Variants in TSHZ3 observed in about 807,000 individuals in gnomAD.
TSHZ3 encodes the protein teashirt zinc finger homeobox 3.
A neutral mutation model predicts 64.5 loss-of-function variants in TSHZ3; 10 were observed. The observed-to-expected ratio is 0.16, with a 90% CI of 0.10 to 0.26. The LOEUF is 0.26. Among genes scored for constraint, TSHZ3 ranks in the 10% least tolerant of loss-of-function variants. TSHZ3 has a pLI of 1.00. For synonymous variants in TSHZ3, 608 were observed against 593.1 expected, an observed-to-expected ratio of 1.03 and a Z score of -0.36; for missense variants, 1,242 against 1,421.7, an observed-to-expected ratio of 0.87 and a Z score of 2.03.
At chr19:31,236,884 C>T (rs1252943033) in intron 3 of TSHZ3, among the ~76,000 whole-genome samples, 2 of 152,218 alleles carry the variant, frequency 1.3e-5, no homozygotes, top group Admixed American at 6.5e-5. Flanking sequence ...CGTGGTGGCT[C>T]AGGCCTGTAA....
chr19:31,272,991 C>G (rs1420633664), downstream of TSHZ3, among the ~76,000 whole-genome samples: 1 of 152,162 alleles, frequency 6.6e-6, no homozygotes, highest in Admixed American at 6.5e-5. Flanking sequence ...AGAACATGAG[C>G]ACTACGACAG....
intron 4 of TSHZ3, among the ~76,000 whole-genome samples, chr19:31,227,740 G>T (rs1293865586): frequency 1.7e-5 from 2 of 120,444 alleles, no homozygotes; most frequent in Non-Finnish European, 3.7e-5. Context: ...AAGACATCCA[G>T]GATCTACACA....
chr19:31,219,229 T>C (rs936682540), intron 4 of TSHZ3, among the ~76,000 whole-genome samples: 4 of 152,214 alleles, frequency 2.6e-5, no homozygotes, highest in African/African-American at 9.6e-5. Context: ...GTGGAGCTTG[T>C]TTTTCACTGC....
At chr19:31,222,388 T>C (rs1456833183) in intron 4 of TSHZ3, among the ~76,000 whole-genome samples, 1 of 152,192 alleles carries the variant, frequency 6.6e-6, no homozygotes, top group Non-Finnish European at 1.5e-5. Flanking sequence ...ATATTTTCAC[T>C]TGACTCTTGA....
At chr19:31,220,450 C>T (rs1032495812) in intron 4 of TSHZ3, among the ~76,000 whole-genome samples, 2 of 152,084 alleles carry the variant, frequency 1.3e-5, no homozygotes, top group African/African-American at 4.8e-5. Context: ...CCTTGTCTCT[C>T]TATATATGTA....
chr19:31,262,483 G>A (rs1024361652), intron 1 of TSHZ3, among the ~76,000 whole-genome samples: 1 of 151,978 alleles, frequency 6.6e-6, no homozygotes, highest in African/African-American at 2.4e-5. Context: ...AAGTCAAGTC[G>A]TTTTCATATG....
intron 5 of TSHZ3, among the ~76,000 whole-genome samples, chr19:31,168,333 C>T (rs1331664198): frequency 6.6e-6 from 1 of 152,120 alleles, no homozygotes; most frequent in Non-Finnish European, 1.5e-5. Context: ...GAAATATCCT[C>T]TTTTTTGGCA....
intron 1 of TSHZ3, among the ~76,000 whole-genome samples, chr19:31,326,277 GAGAAGAACTGAGGAGCTGGGGTTAGA>G (rs1276146183): frequency 6.6e-6 from 1 of 152,220 alleles, no homozygotes; most frequent in Non-Finnish European, 1.5e-5. Flanking sequence ...TGCCCCTAGG[GAGAAGAACTGAGGAGCTGGGGTTAGA>G]AGAAGACTCT....
At chr19:31,286,380 C>T (rs1294231269) in intron 1 of TSHZ3, among the ~76,000 whole-genome samples, 1 of 152,120 alleles carries the variant, frequency 6.6e-6, no homozygotes, top group East Asian at 1.9e-4. Context: ...GATGGAAAAA[C>T]AAAAAAACAC....
intron 5 of TSHZ3, among the ~76,000 whole-genome samples, chr19:31,175,077 C>A (rs1229020579): frequency 6.6e-6 from 1 of 152,156 alleles, no homozygotes; most frequent in African/African-American, 2.4e-5. Flanking sequence ...CTTGTGGTCT[C>A]ACCCCAGCCC....
chr19:31,199,418 A>G lies in TSHZ3; in HGVS notation n.809+5538T>C, dbSNP rs563703097. 3.3e-4 allele frequency among the ~76,000 whole-genome samples: 47 copies of G among 144,486 alleles called. 1 individual carries two copies. The South Asian group carries it at 5.4e-3, about 17-fold the overall frequency. The allele number at this position is 144,486 out of a possible 152,430, so 94.8% of individuals were successfully genotyped here. ...ACTCCGCCAAAAAAAAAAAAAAAAAAAAAAGAAAAGAAAAAACATAGTCCG... is the reference window on the plus strand; with the variant it reads ...ACTCCGCCAAAAAAAAAAAAAAAAAGAAAAGAAAAGAAAAAACATAGTCCG... On this transcript the variant is annotated intron_variant and non_coding_transcript_variant, in intron 5 of 6. Coordinates refer to the TSHZ3 transcript ENST00000651361.
intron 5 of TSHZ3, among the ~76,000 whole-genome samples, chr19:31,200,063 A>G (rs1175933529): frequency 6.6e-6 from 1 of 152,108 alleles, no homozygotes; most frequent in Non-Finnish European, 1.5e-5. Flanking sequence ...TAACACTGAC[A>G]ACACCAAATG....
At chr19:31,286,956 A>G in intron 1 of TSHZ3, among the ~76,000 whole-genome samples, 1 of 152,212 alleles carries the variant, frequency 6.6e-6, no homozygotes. Flanking sequence ...ACTAAATTCA[A>G]CCTCTAGGTA....
intron 5 of TSHZ3, among the ~76,000 whole-genome samples, chr19:31,167,078 TGCTACAGG>T (rs1974463827): frequency 6.6e-6 from 1 of 152,136 alleles, no homozygotes; most frequent in Non-Finnish European, 1.5e-5. Context: ...ACAGAAGTTA[TGCTACAGG>T]GCTTCACGCA....
chr19:31,276,340 T>G lies in TSHZ3; in HGVS notation c.*207A>C. ...AAGTTCCAAACACTTACCACTGCAT[T>G]TTAACCTTCATATTTTACCAGTAAC... On this transcript the variant is annotated 3_prime_UTR_variant, in exon 2 of 2. Coordinates refer to ENST00000240587, the MANE Select transcript of TSHZ3 (RefSeq NM_020856.4). The G allele has an allele frequency of 2.2e-6, 1 of 446,076 alleles. No individual in the cohort carries two copies. Among genetic ancestry groups the G allele is most frequent in the Non-Finnish European group, 3.9e-6 (1 of 258,706 alleles). The allele number at this position is 446,076 out of a possible 1,614,324, so 27.6% of individuals were successfully genotyped here. A position where few individuals can be genotyped will look rare whatever the true frequency, so the allele number is the denominator to read the frequency against.
intron 4 of TSHZ3, among the ~76,000 whole-genome samples, chr19:31,210,205 G>A (rs2145158813): frequency 6.6e-6 from 1 of 152,176 alleles, no homozygotes; most frequent in Non-Finnish European, 1.5e-5. Context: ...GGTGAAGCTT[G>A]GCCTATAGAG....
chr19:31,210,731 CA>C (rs1975251669), intron 4 of TSHZ3, among the ~76,000 whole-genome samples: 2 of 152,182 alleles, frequency 1.3e-5, no homozygotes, highest in Admixed American at 6.5e-5. Context: ...GAAACCTCAA[CA>C]GGTTACAGAT....
intron 1 of TSHZ3, among the ~76,000 whole-genome samples, chr19:31,314,935 C>T (rs1942026686): frequency 6.6e-6 from 1 of 152,314 alleles, no homozygotes; most frequent in Middle Eastern, 3.4e-3. Flanking sequence ...GACGACGGGT[C>T]CTATATCCCT....
chr19:31,340,092 C>T (rs1917386450), intron 1 of TSHZ3, among the ~76,000 whole-genome samples: 1 of 151,838 alleles, frequency 6.6e-6, no homozygotes, highest in African/African-American at 2.4e-5. Flanking sequence ...AGCCATGAGC[C>T]GCCTCGCCCT....
Sources: gnomAD v4.1 joint callset for allele counts (sites outside exome capture counted in the v4.1 genomes callset) on GRCh38, gnomAD v4.1.1 for gene constraint, MANE v1.5 for transcripts, NCBI Gene and HGNC (gene_info 2026-07-23, HGNC 2026-07-21) for gene names.